TMEM132D: variants seen among roughly 807,000 people sequenced by gnomAD.
TMEM132D encodes mature OL transmembrane protein.
Under a neutral mutation model 62.3 loss-of-function variants are expected in TMEM132D, and 21 were observed. The ratio of observed to expected loss-of-function variants is 0.34; its 90% CI spans 0.24 to 0.49. The LOEUF (loss-of-function observed/expected upper bound fraction) is 0.49, where lower values mean the gene tolerates loss of function less well. Among genes scored for constraint, TMEM132D ranks in the 20% least tolerant of loss-of-function variants. TMEM132D has a pLI of 0.99. For missense variants in TMEM132D, 1,346 were observed against 1,402.8 expected (o/e 0.96, Z 0.65); for synonymous variants, 621 against 575.6 (o/e 1.08, Z -1.13).
intron 2 of TMEM132D, among the ~76,000 whole-genome samples, chr12:129,680,980 C>G (rs1009749387): frequency 1.3e-5 from 2 of 152,186 alleles, no homozygotes. Context: ...GACTCCACCC[C>G]TTTTCCAACC....
intron 3 of TMEM132D, among the ~76,000 whole-genome samples, chr12:129,387,090 C>A (rs1871126704): frequency 6.6e-6 from 1 of 151,764 alleles, no homozygotes; most frequent in Admixed American, 6.6e-5. Context: ...AACACTAACA[C>A]CAGCACCAAT....
intron 3 of TMEM132D, among the ~76,000 whole-genome samples, chr12:129,421,103 A>T (rs1872309285): frequency 6.6e-6 from 1 of 151,832 alleles, no homozygotes; most frequent in Admixed American, 6.6e-5. Context: ...CTGGGATTAC[A>T]AGCTCCCGCC....
intron 2 of TMEM132D, among the ~76,000 whole-genome samples, chr12:129,664,576 C>T (rs1224312444): frequency 2.0e-5 from 3 of 151,900 alleles, no homozygotes; most frequent in Non-Finnish European, 4.4e-5. Context: ...AGGCACCCGC[C>T]ACCACGCCCA....
At chr12:129,330,927 T>C (rs1425521973) in intron 4 of TMEM132D, among the ~76,000 whole-genome samples, 3 of 152,192 alleles carry the variant, frequency 2.0e-5, no homozygotes, top group African/African-American at 7.2e-5. Flanking sequence ...TTCTTGGGTA[T>C]GGCTCCTACT....
intron 4 of TMEM132D, among the ~76,000 whole-genome samples, chr12:129,275,236 G>C (rs1880972995): frequency 6.6e-5 from 10 of 152,040 alleles, no homozygotes; most frequent in Admixed American, 6.6e-4. Flanking sequence ...AGCCATGATT[G>C]CACCACTGCA....
intron 2 of TMEM132D, among the ~76,000 whole-genome samples, chr12:129,695,743 A>G (rs539003467): frequency 6.6e-6 from 1 of 152,332 alleles, no homozygotes; most frequent in East Asian, 1.9e-4. Context: ...CAGGGGCTGC[A>G]TGGAGGTCTC....
At chr12:129,778,876 C>T (rs761148825) in intron 1 of TMEM132D, among the ~76,000 whole-genome samples, 44 of 152,182 alleles carry the variant, frequency 2.9e-4, no homozygotes, top group Non-Finnish European at 5.6e-4. Context: ...TATATAGCTG[C>T]TTACCTCGCC....
intron 2 of TMEM132D, among the ~76,000 whole-genome samples, chr12:129,637,312 T>G (rs1354257200): frequency 6.6e-6 from 1 of 152,218 alleles, no homozygotes; most frequent in Non-Finnish European, 1.5e-5. Flanking sequence ...AATTTCATGG[T>G]GTTTTTGAAT....
chr12:129,801,225 G>A (rs1871768480), intron 1 of TMEM132D, among the ~76,000 whole-genome samples: 1 of 152,214 alleles, frequency 6.6e-6, no homozygotes, highest in Admixed American at 6.5e-5. Flanking sequence ...AGCTCAAGGA[G>A]GCCTGCCTGC....
chr12:129,774,503 C>T (rs532375391), intron 1 of TMEM132D, among the ~76,000 whole-genome samples: 10 of 152,216 alleles, frequency 6.6e-5, no homozygotes, highest in Middle Eastern at 3.4e-3. Context: ...GTGGGGGGCC[C>T]GTTGCAATCA....
At chr12:129,214,090 C>T (rs140121722) in intron 4 of TMEM132D, among the ~76,000 whole-genome samples, 59 of 152,284 alleles carry the variant, frequency 3.9e-4, no homozygotes, top group Non-Finnish European at 7.2e-4. Flanking sequence ...ACAAAACAGA[C>T]TTCTACTATT....
Position 129,277,148 on chromosome 12 carries a change from G to C in TMEM132D, c.1299+60486C>G, listed in dbSNP as rs913491045. 6.6e-6 allele frequency among the ~76,000 whole-genome samples: 1 copy of C among 152,186 alleles called. No homozygotes were observed. Among genetic ancestry groups the C allele is most frequent in the Admixed American group, 6.5e-5 (1 of 15,278 alleles). On this transcript the variant is annotated intron_variant, in intron 4 of 8. Transcript: ENST00000422113. The surrounding 1 kb of genome is among the most constrained non-coding windows in gnomAD (Gnocchi z 4.2). Reference sequence around the variant, plus strand: ...GGCCTTAGAACATGGGTGTGGGTGAGAACAGTGGGTGTGTGGAGAACAAAA... The same window carrying C: ...GGCCTTAGAACATGGGTGTGGGTGACAACAGTGGGTGTGTGGAGAACAAAA...
At chr12:129,853,399 G>A (rs2137357425) in intron 1 of TMEM132D, 1 of 152,358 alleles carries the variant, frequency 6.6e-6, no homozygotes, top group Non-Finnish European at 1.5e-5. Context: ...AGTGTCACGG[G>A]GCAATGAACG....
intron 1 of TMEM132D, among the ~76,000 whole-genome samples, chr12:129,738,914 G>A (rs901438071): frequency 2.6e-5 from 4 of 152,182 alleles, no homozygotes; most frequent in Non-Finnish European, 5.9e-5. Context: ...TGATCCAGAA[G>A]GAGTATAATG....
intron 1 of TMEM132D, among the ~76,000 whole-genome samples, chr12:129,784,354 G>A (rs1871200335): frequency 6.6e-6 from 1 of 152,076 alleles, no homozygotes; most frequent in African/African-American, 2.4e-5. Flanking sequence ...CGTTCAGTCT[G>A]GGCCACAAAT....
At chr12:129,816,100 A>G (rs2137320174) in intron 1 of TMEM132D, among the ~76,000 whole-genome samples, 1 of 150,806 alleles carries the variant, frequency 6.6e-6, no homozygotes, top group East Asian at 2.0e-4. Flanking sequence ...CATTTAATCC[A>G]AACAATAAAC....
intron 3 of TMEM132D, among the ~76,000 whole-genome samples, chr12:129,529,094 C>A (rs565085323): frequency 6.6e-6 from 1 of 152,228 alleles, no homozygotes; most frequent in South Asian, 2.1e-4. Flanking sequence ...ATGTGTATAA[C>A]CTTTTTCCAT....
chr12:129,701,223 T>A (rs190236664), intron 1 of TMEM132D, among the ~76,000 whole-genome samples: 1 of 152,314 alleles, frequency 6.6e-6, no homozygotes, highest in East Asian at 1.9e-4. Context: ...ACGTTCTGCA[T>A]ATACGCACAT....
intron 3 of TMEM132D, among the ~76,000 whole-genome samples, chr12:129,369,082 T>C (rs781269216): frequency 2.0e-5 from 3 of 152,204 alleles, no homozygotes; most frequent in South Asian, 2.1e-4. Context: ...TTCATCTTCT[T>C]GTCTGAGATA....
Sources: gnomAD v4.1 joint callset for allele counts (sites outside exome capture counted in the v4.1 genomes callset) on GRCh38, gnomAD v4.1.1 for gene constraint, Gnocchi (gnomAD v3.1) non-coding constraint, MANE v1.5 for transcripts, NCBI Gene and HGNC (gene_info 2026-07-23, HGNC 2026-07-21) for gene names.